Variants in PEX10 observed in about 807,000 individuals in gnomAD.
PEX10 encodes the protein peroxisomal biogenesis factor 10.
In PEX10, 32 loss-of-function variants were observed where a neutral mutation model predicts 38.0. That is an observed-to-expected ratio of 0.84 (90% CI 0.63 to 1.13). The LOEUF (loss-of-function observed/expected upper bound fraction) is 1.13. Ranked by LOEUF, PEX10 falls within the 50% of genes most tolerant of loss-of-function variation. PEX10 has a pLI of 0.00. For synonymous variants in PEX10, 206 were observed against 207.3 expected, an observed-to-expected ratio of 0.99 and a Z score of 0.05; for missense variants, 483 against 457.7, an observed-to-expected ratio of 1.06 and a Z score of -0.51.
In PEX10 at chr1:2,405,208, TGTG is replaced by T; in HGVS notation, c.*555_*557del. ...CCTTGGTTGGTTTCTCTCTGCCCCGTGTGGTCATCAAGTCCTGGGGGATGTGCT... is the reference window on the plus strand; with the variant it reads ...CCTTGGTTGGTTTCTCTCTGCCCCGTGTCATCAAGTCCTGGGGGATGTGCT... On this transcript the variant is annotated 3_prime_UTR_variant, in exon 6 of 6. Transcript: ENST00000447513. 1 of 205,718 alleles carries T rather than the reference TGTG, an allele frequency of 4.9e-6. No homozygotes were observed. Among genetic ancestry groups the T allele is most frequent in the Non-Finnish European group, 1.0e-5 (1 of 99,912 alleles). 12.7% of individuals were successfully genotyped at this position (205,718 alleles called of 1,614,324 possible).
chr1:2,412,405 A>C lies in PEX10; in HGVS notation c.98T>G (p.Leu33Arg), dbSNP rs1643271090. The C allele has an allele frequency of 7.1e-7, 1 of 1,404,092 alleles. No homozygotes were observed. The allele number at this position is 1,404,092 out of a possible 1,614,324, so 87.0% of individuals were successfully genotyped here. A position where few individuals can be genotyped will look rare whatever the true frequency, so the allele number is the denominator to read the frequency against. Residue 33 changes from leucine to arginine, a missense_variant, in exon 1 of 6, where the codon CTG becomes CGG. Coordinates refer to ENST00000447513, the MANE Select transcript of PEX10 (RefSeq NM_002617.4). ...GGLRSAAGGA[L>R]HSLAGARKWL... Reference sequence around the variant, plus strand: ...CCGGCCCTCACCCGCCAGGCTGTGCAGGGCGCCGCCCGCCGCGCTCCGCAG... The same window carrying C: ...CCGGCCCTCACCCGCCAGGCTGTGCCGGGCGCCGCCCGCCGCGCTCCGCAG...
chr1:2,408,165 C>T (rs1224724079), intron 3 of PEX10, among the ~76,000 whole-genome samples: 2 of 152,116 alleles, frequency 1.3e-5, no homozygotes, highest in African/African-American at 2.4e-5. Flanking sequence ...CGGGGCCCCC[C>T]GGTCAGTAAA....
In PEX10 at chr1:2,410,770, A is replaced by T; in HGVS notation, c.113-319T>A. On this transcript the variant is annotated intron_variant, in intron 1 of 5. Coordinates refer to ENST00000447513, the MANE Select transcript of PEX10 (RefSeq NM_002617.4). This position sits in a 1 kb window ranked among gnomAD's most constrained non-coding sequence, Gnocchi z 5.1. ...CTGGGGTATTAAGATTACAGGCCAG[A>T]GGCCAACTGTCTAGCATCAAAAAGC... is the stretch of plus-strand genomic sequence containing the variant. 2.0e-6 allele frequency: 1 copy of T among 495,062 alleles called. No individual in the cohort carries two copies. The highest frequency in any genetic ancestry group is 1.5e-5 in the South Asian group (1 of 64,926). 30.7% of individuals were successfully genotyped at this position (495,062 alleles called of 1,614,324 possible). A position where few individuals can be genotyped will look rare whatever the true frequency, so the allele number is the denominator to read the frequency against.
chr1:2,408,972 G>T, intron 2 of PEX10, 114 bp from the exon 3 acceptor site: 2 of 1,027,522 alleles, frequency 1.9e-6, no homozygotes, highest in Non-Finnish European at 1.5e-6. Context: ...CCATCTTGTC[G>T]CCCTTGAGCC....
Position 2,410,525 on chromosome 1 carries a change from C to A in PEX10, c.113-74G>T, listed in dbSNP as rs1643153060. ...GAGGATGAGGGACCACAGTCCTCCC[C>A]CAGTTGTCTAGGCCCAGATCCAGTC... On this transcript the variant is annotated intron_variant, in intron 1 of 5. Coordinates refer to ENST00000447513, the MANE Select transcript of PEX10 (RefSeq NM_002617.4). This position sits in a 1 kb window ranked among gnomAD's most constrained non-coding sequence, Gnocchi z 5.1. 5.2e-6 allele frequency: 7 copies of A among 1,340,458 alleles called. No homozygotes were observed. In the South Asian group the frequency reaches 8.5e-5, roughly 16 times the overall value. 83.0% of individuals were successfully genotyped at this position (1,340,458 alleles called of 1,614,324 possible). A position where few individuals can be genotyped will look rare whatever the true frequency, so the allele number is the denominator to read the frequency against.
chr1:2,407,937 C>T (rs1254274369), intron 3 of PEX10, among the ~76,000 whole-genome samples: 1 of 148,772 alleles, frequency 6.7e-6, no homozygotes, highest in Non-Finnish European at 1.5e-5. Flanking sequence ...AGCTGGGGGT[C>T]AGGATAGGCA....
chr1:2,405,866 T>C, intron 5 of PEX10, 32 bp from the exon 6 acceptor site: 1 of 1,534,186 alleles, frequency 6.5e-7, no homozygotes, highest in Non-Finnish European at 8.9e-7. Flanking sequence ...TCACAGCAGC[T>C]GGGGCCACTG....
chr1:2,406,048 T>TG (rs1231529356), intron 5 of PEX10, among the ~76,000 whole-genome samples: 1 of 152,090 alleles, frequency 6.6e-6, no homozygotes, highest in African/African-American at 2.4e-5. Flanking sequence ...GCTCAGGGTG[T>TG]GGGGCTCGGC....
intron 1 of PEX10, 94 bp downstream of exon 1, chr1:2,412,297 C>A (rs1379685206): frequency 1.6e-6 from 2 of 1,259,678 alleles, no homozygotes; most frequent in Non-Finnish European, 2.0e-6. Context: ...CGGGCCCAGG[C>A]GACCGTGACC....
At position 2,410,589 on chromosome 1, in the gene PEX10, C is replaced by T; in HGVS notation, c.113-138G>A. ...GAAGCCAACACTCACTCCCTGGCCT[C>T]CCTCTCTGCTTCTGTCTCCGGAGGC... On this transcript the variant is annotated intron_variant, in intron 1 of 5. Coordinates refer to ENST00000447513, the MANE Select transcript of PEX10 (RefSeq NM_002617.4). The surrounding 1 kb of genome is among the most constrained non-coding windows in gnomAD (Gnocchi z 5.1). 4.0e-6 allele frequency: 3 copies of T among 745,332 alleles called. 1 individual carries two copies. Among genetic ancestry groups the T allele is most frequent in the South Asian group, 3.0e-5 (2 of 67,240 alleles). The allele number at this position is 745,332 out of a possible 1,614,324, so 46.2% of individuals were successfully genotyped here.
In PEX10 at chr1:2,406,772, G is replaced by C. The variant is rs745818681; in HGVS notation, c.724C>G (p.Arg242Gly). Residue 242 changes from arginine to glycine, a missense_variant, in exon 4 of 6, where the codon CGG (arginine) becomes GGG (glycine). Arg to Gly is a moderately radical substitution (Grantham distance 125). Coordinates refer to ENST00000447513, the MANE Select transcript of PEX10 (RefSeq NM_002617.4). ...CTCCACTCCTTCCTGGCTCGCTGCC[G>C]CTGCCTGAAACCGTACAGCTGCAGC... ...MGLQLYGFRQ[R>G]QRARKEWRLH... 2 of 1,609,900 alleles carry C rather than the reference G, an allele frequency of 1.2e-6. No homozygotes were observed. The highest frequency in any genetic ancestry group is 1.1e-5 in the South Asian group (1 of 90,534).
At chr1:2,408,039 G>A (rs1348977194) in intron 3 of PEX10, among the ~76,000 whole-genome samples, 1 of 151,990 alleles carries the variant, frequency 6.6e-6, no homozygotes, top group African/African-American at 2.4e-5. Context: ...GTGAGGGGCT[G>A]GGGCCGGGGC....
chr1:2,408,911 G>T, intron 2 of PEX10, 53 bp from the exon 3 acceptor site: 1 of 1,571,352 alleles, frequency 6.4e-7, no homozygotes. Flanking sequence ...CGCGGGGACA[G>T]GCTCCCGGCG....
At chr1:2,412,635 G>T, upstream of PEX10, 1 of 682,414 alleles carries the variant, frequency 1.5e-6, no homozygotes, top group Non-Finnish European at 2.0e-6. Context: ...GGCGGGGCCG[G>T]ACTGGGGCTG....
At chr1:2,411,381 C>T (rs537290614) in intron 1 of PEX10, among the ~76,000 whole-genome samples, 8 of 151,952 alleles carry the variant, frequency 5.3e-5, no homozygotes, top group South Asian at 2.1e-4. Flanking sequence ...TACACGCACG[C>T]GCCACCACGC....
At chr1:2,412,229 A>G (rs1221874494) in intron 1 of PEX10, among the ~76,000 whole-genome samples, 162 bp downstream of exon 1, 1 of 152,234 alleles carries the variant, frequency 6.6e-6, no homozygotes, top group Non-Finnish European at 1.5e-5. Context: ...GGTGCCCCGC[A>G]CATCCCTGAA....
At chr1:2,412,613 T>A (rs550288451), upstream of PEX10, 48 of 878,968 alleles carry the variant, frequency 5.5e-5, no homozygotes, top group East Asian at 4.3e-4. Flanking sequence ...GACCTCTGCG[T>A]CAAGGTGCTG....
chr1:2,407,282 C>A lies in PEX10; in HGVS notation c.601-387G>T, dbSNP rs535945054. Among the ~76,000 whole-genome samples, 13 of 152,300 alleles carry A rather than the reference C, an allele frequency of 8.5e-5. No individual in the cohort carries two copies. In the South Asian group the frequency reaches 2.7e-3, roughly 32 times the overall value. On this transcript the variant is annotated intron_variant, in intron 3 of 5. Coordinates refer to ENST00000447513, the MANE Select transcript of PEX10 (RefSeq NM_002617.4). Reference sequence around the variant, plus strand: ...GCTACCCTGCTACAGGGACCGAAGCCCCAGTGTAACAAGGCACGTGGCCCC... The same window carrying A: ...GCTACCCTGCTACAGGGACCGAAGCACCAGTGTAACAAGGCACGTGGCCCC...
At position 2,410,340 on chromosome 1, in the gene PEX10, C is replaced by T. The variant is rs1473831875; in HGVS notation, c.193+31G>A. The T allele has an allele frequency of 6.3e-7, 1 of 1,591,070 alleles. No individual in the cohort carries two copies. The highest frequency in any genetic ancestry group is 8.6e-7 in the Non-Finnish European group (1 of 1,159,160). On this transcript the variant is annotated intron_variant, in intron 2 of 5. Coordinates refer to ENST00000447513, the MANE Select transcript of PEX10 (RefSeq NM_002617.4). This position sits in a 1 kb window ranked among gnomAD's most constrained non-coding sequence, Gnocchi z 5.1. The stretch of plus-strand genomic sequence containing the variant: ...CCCAGACTTGGTGTGTGTGGCTGCC[C>T]TCAGTCCTGAGGTCCCGTGGGAGCT...
Sources: allele counts gnomAD v4.1 joint callset (sites outside exome capture counted in the v4.1 genomes callset), GRCh38; gene constraint gnomAD v4.1.1; non-coding constraint Gnocchi (gnomAD v3.1); transcripts MANE v1.5; gene names NCBI Gene and HGNC (gene_info 2026-07-23, HGNC 2026-07-21).